The following ARHGEF28 variants were observed in gnomAD, a reference collection of about 807,000 sequenced individuals.
The protein encoded by ARHGEF28 is 190 kDa guanine nucleotide exchange factor.
ARHGEF28 carries 152 observed loss-of-function variants against 206.6 expected under a neutral mutation model. That is an observed-to-expected ratio of 0.74 (90% CI 0.64 to 0.84). The LOEUF (loss-of-function observed/expected upper bound fraction) is 0.84, where lower values mean the gene tolerates loss of function less well. ARHGEF28 is among the 40% of genes least tolerant of loss of function. ARHGEF28 has a pLI of 0.00. For missense variants in ARHGEF28, 2,028 were observed against 2,073.2 expected (o/e 0.98, Z 0.42); for synonymous variants, 763 against 776.4 (o/e 0.98, Z 0.29).
intron 35 of ARHGEF28, among the ~76,000 whole-genome samples, chr5:73,912,291 G>A (rs918060500): frequency 5.9e-5 from 9 of 152,124 alleles, no homozygotes; most frequent in African/African-American, 2.2e-4. Context: ...AAAACAGATG[G>A]CATGCAATAG....
chr5:73,909,824 A>G lies in ARHGEF28; in HGVS notation c.4574A>G (p.Gln1525Arg), dbSNP rs779460123. 44 of 1,540,630 alleles carry G rather than the reference A, an allele frequency of 2.9e-5. No homozygotes were observed. Among genetic ancestry groups the G allele is most frequent in the African/African-American group, 4.1e-5 (3 of 72,906 alleles). Reference protein sequence around the residue: ...EREQARMRAQQSLLGHWKHGR... With the variant: ...EREQARMRAQRSLLGHWKHGR... ...GAGCAGGCGAGGATGCGGGCCCAGC[A>G]GAGCCTGCTGGGCCACTGGAAGCAC... The change falls in exon 34 of 36, where the codon CAG becomes CGG. Residue 1525 changes from glutamine (Q) to arginine (R), a missense_variant. Gln to Arg is a conservative substitution (Grantham distance 43). Coordinates refer to ENST00000513042, the MANE Select transcript of ARHGEF28 (RefSeq NM_001177693.2).
intron 2 of ARHGEF28, among the ~76,000 whole-genome samples, chr5:73,746,632 G>A (rs907385693): frequency 6.6e-5 from 10 of 151,984 alleles, no homozygotes; most frequent in African/African-American, 2.2e-4. Context: ...GTTAGATATT[G>A]AATTAATTAG....
At chr5:73,839,203 A>T (rs1252953371) in intron 10 of ARHGEF28, among the ~76,000 whole-genome samples, 1 of 152,216 alleles carries the variant, frequency 6.6e-6, no homozygotes, top group African/African-American at 2.4e-5. Flanking sequence ...TTTTATTAAT[A>T]TCTTTCATCT....
chr5:73,674,516 A>C (rs1746532291), intron 1 of ARHGEF28, among the ~76,000 whole-genome samples: 1 of 152,236 alleles, frequency 6.6e-6, no homozygotes, highest in Non-Finnish European at 1.5e-5. Context: ...TGTGAAACAT[A>C]CACGGTATTT....
At chr5:73,698,217 C>T (rs960962654) in intron 2 of ARHGEF28, among the ~76,000 whole-genome samples, 10 of 151,982 alleles carry the variant, frequency 6.6e-5, no homozygotes, top group Middle Eastern at 3.4e-3. Flanking sequence ...AGAGTGTGTC[C>T]GAGGGGAAAT....
At chr5:73,857,912 G>T in intron 15 of ARHGEF28, 133 bp downstream of exon 15, 1 of 1,381,724 alleles carries the variant, frequency 7.2e-7, no homozygotes, top group Non-Finnish European at 9.7e-7. Context: ...ATGGAATATT[G>T]CTAAAGCCCA....
At chr5:73,726,749 C>T (rs1438463997) in intron 2 of ARHGEF28, among the ~76,000 whole-genome samples, 5 of 152,122 alleles carry the variant, frequency 3.3e-5, no homozygotes, top group East Asian at 3.9e-4. Flanking sequence ...TTTATGTGAA[C>T]GAGGCATGTT....
chr5:73,862,442 C>T (rs1404653989), intron 16 of ARHGEF28, among the ~76,000 whole-genome samples: 1 of 152,078 alleles, frequency 6.6e-6, no homozygotes, highest in Non-Finnish European at 1.5e-5. Flanking sequence ...TGTTTTATAA[C>T]AGGGTTTTTA....
chr5:73,910,381 CAA>C (rs60086897), intron 34 of ARHGEF28, among the ~76,000 whole-genome samples: 1 of 31,002 alleles, frequency 3.2e-5, no homozygotes, highest in African/African-American at 1.5e-4. Context: ...AACACCATCT[CAA>C]AAAAAAAAAA....
At chr5:73,813,791 A>G in intron 9 of ARHGEF28, 1 of 1,060,958 alleles carries the variant, frequency 9.4e-7, no homozygotes, top group East Asian at 2.7e-5. Flanking sequence ...ACGTGCCTTT[A>G]TAAAACACTC....
In ARHGEF28 at chr5:73,840,698, C is replaced by G. The variant is rs759407440; in HGVS notation, c.1365C>G (p.Asn455Lys). ...CACCATCAAGTTCGTGTGCTTCCAACTTGAATCTTTCTTTTGGTTGGCATG... is the reference window on the plus strand; with the variant it reads ...CACCATCAAGTTCGTGTGCTTCCAAGTTGAATCTTTCTTTTGGTTGGCATG... ...FMSPSSSCASNLNLSFGWHGF... is the reference protein window; with the variant it reads ...FMSPSSSCASKLNLSFGWHGF... Residue 455 changes from asparagine (N) to lysine (K), a missense_variant, in exon 11 of 36, where the codon AAC becomes AAG. Asn to Lys is a moderately conservative substitution (Grantham distance 94). Coordinates refer to ENST00000513042, the MANE Select transcript of ARHGEF28 (RefSeq NM_001177693.2). The G allele has an allele frequency of 2.5e-6, 4 of 1,612,658 alleles. No homozygotes were observed. The highest frequency in any genetic ancestry group is 3.4e-6 in the Non-Finnish European group (4 of 1,179,234).
intron 1 of ARHGEF28, among the ~76,000 whole-genome samples, chr5:73,673,132 C>A (rs1223128271): frequency 1.3e-5 from 2 of 152,186 alleles, no homozygotes; most frequent in African/African-American, 4.8e-5. Context: ...GTTGTGTGTT[C>A]AATAATAGGT....
At chr5:73,932,403 T>C (rs577174855) in intron 35 of ARHGEF28, among the ~76,000 whole-genome samples, 1 of 152,262 alleles carries the variant, frequency 6.6e-6, no homozygotes, top group African/African-American at 2.4e-5. Flanking sequence ...CTGAGTGTCA[T>C]GGTGGGAAAA....
chr5:73,892,736 C>T (rs13171294), intron 27 of ARHGEF28, among the ~76,000 whole-genome samples: 21,859 of 152,114 alleles, frequency 0.14, 1,787 homozygotes, highest in East Asian at 0.29. Context: ...TATTCTAAGT[C>T]AATTTATTCC....
intron 1 of ARHGEF28, among the ~76,000 whole-genome samples, chr5:73,633,913 G>A (rs1018682618): frequency 3.3e-5 from 5 of 151,918 alleles, no homozygotes; most frequent in South Asian, 2.1e-4. Context: ...GAGTTTCCAC[G>A]TTCATAGTCA....
intron 7 of ARHGEF28, among the ~76,000 whole-genome samples, chr5:73,782,134 A>AAAG (rs1003450051): frequency 2.2e-5 from 3 of 136,106 alleles, no homozygotes; most frequent in Non-Finnish European, 3.4e-5. Flanking sequence ...ATGTTTGTTA[A>AAAG]AAAAAAAAAA....
At chr5:73,827,416 C>A (rs772268724) in intron 9 of ARHGEF28, among the ~76,000 whole-genome samples, 3 of 152,180 alleles carry the variant, frequency 2.0e-5, no homozygotes, top group Admixed American at 6.5e-5. Context: ...GGAAGCATAA[C>A]TAATAAAGAA....
chr5:73,666,675 T>C (rs564459765), intron 1 of ARHGEF28, among the ~76,000 whole-genome samples: 1 of 152,210 alleles, frequency 6.6e-6, no homozygotes, highest in Non-Finnish European at 1.5e-5. Flanking sequence ...TTATTTCTCA[T>C]AAAGGGTTGC....
At chr5:73,831,232 A>G (rs1441873670) in intron 9 of ARHGEF28, among the ~76,000 whole-genome samples, 1 of 152,224 alleles carries the variant, frequency 6.6e-6, no homozygotes, top group Non-Finnish European at 1.5e-5. Flanking sequence ...ACTATGAGGA[A>G]AGCATAATAG....
Sources: allele counts gnomAD v4.1 joint callset (sites outside exome capture counted in the v4.1 genomes callset), GRCh38; gene constraint gnomAD v4.1.1; transcripts MANE v1.5; gene names NCBI Gene and HGNC (gene_info 2026-07-23, HGNC 2026-07-21).